Variants in ADAMTS12 observed in about 807,000 individuals in gnomAD.
The protein encoded by ADAMTS12 is ADAM metallopeptidase with thrombospondin type 1 motif 12.
Under a neutral mutation model 167.8 loss-of-function variants are expected in ADAMTS12, and 118 were observed. The ratio of observed to expected loss-of-function variants is 0.70; its 90% CI spans 0.61 to 0.82. The LOEUF (loss-of-function observed/expected upper bound fraction) is 0.82, where lower values mean the gene tolerates loss of function less well. ADAMTS12 is among the 40% of genes least tolerant of loss of function. The probability of loss-of-function intolerance (pLI) is 0.00; values close to 1 mark genes in which losing one functional copy is unlikely to be tolerated. For synonymous variants in ADAMTS12, 704 were observed against 716.9 expected (o/e 0.98, Z 0.29); for missense variants, 1,916 against 1,998.8 (o/e 0.96, Z 0.79).
chr5:33,692,712 C>T (rs1644652158), intron 3 of ADAMTS12, among the ~76,000 whole-genome samples: 1 of 152,128 alleles, frequency 6.6e-6, no homozygotes, highest in Admixed American at 6.6e-5. Context: ...AGCATTCAAT[C>T]CGTCCCCTCA....
chr5:33,565,205 G>T (rs1745952078), intron 19 of ADAMTS12, among the ~76,000 whole-genome samples: 1 of 152,158 alleles, frequency 6.6e-6, no homozygotes, highest in African/African-American at 2.4e-5. Context: ...ACCCAGGCTG[G>T]AGTGCAGTGG....
intron 11 of ADAMTS12, among the ~76,000 whole-genome samples, chr5:33,638,099 T>C (rs1740280257): frequency 6.6e-6 from 1 of 152,194 alleles, no homozygotes; most frequent in South Asian, 2.1e-4. Context: ...CATCTGTGCC[T>C]TCCTTGGATC....
At chr5:33,687,644 A>C (rs964521233) in intron 3 of ADAMTS12, among the ~76,000 whole-genome samples, 3 of 152,244 alleles carry the variant, frequency 2.0e-5, no homozygotes, top group Admixed American at 6.5e-5. Flanking sequence ...TATCAGTTAT[A>C]TTATAGATAG....
At chr5:33,756,584 C>T (rs987252691) in intron 2 of ADAMTS12, among the ~76,000 whole-genome samples, 1 of 152,086 alleles carries the variant, frequency 6.6e-6, no homozygotes, top group Admixed American at 6.5e-5. Context: ...AGTAGGACCA[C>T]CGGGAAGATT....
At chr5:33,887,563 A>C (rs903257624) in intron 1 of ADAMTS12, among the ~76,000 whole-genome samples, 2 of 152,170 alleles carry the variant, frequency 1.3e-5, no homozygotes, top group Non-Finnish European at 2.9e-5. Context: ...TGCCTTGTTT[A>C]AAATTATATT....
At chr5:33,527,476 C>A (rs1313140335) in intron 23 of ADAMTS12, 110 bp from the exon 24 acceptor site, 1 of 996,076 alleles carries the variant, frequency 1.0e-6, no homozygotes, top group East Asian at 2.6e-5. Context: ...AGAAAGGAGC[C>A]ATAACAATTC....
At chr5:33,747,202 CAAAGTAAGTAAAGTAAGCAAAT>C (rs1744820630) in intron 3 of ADAMTS12, among the ~76,000 whole-genome samples, 1 of 152,042 alleles carries the variant, frequency 6.6e-6, no homozygotes, top group Non-Finnish European at 1.5e-5. Context: ...AACAAGCAAA[CAAAGTAAGTAAAGTAAGCAAAT>C]AAAGTGGGCC....
In ADAMTS12 at chr5:33,735,104, T is replaced by C. The variant is rs561029603; in HGVS notation, c.634+16300A>G. 5.9e-5 allele frequency among the ~76,000 whole-genome samples: 9 copies of C among 152,354 alleles called. No individual in the cohort carries two copies. In the South Asian group the frequency reaches 1.2e-3, roughly 21 times the overall value. On this transcript the variant is annotated intron_variant, in intron 3 of 23. Coordinates refer to ENST00000504830, the MANE Select transcript of ADAMTS12 (RefSeq NM_030955.4). ...CATTTACCTTAATAAGTTTTACATGTTTCAGCTGTTAAATTCTCCCAACCC... is the reference window on the plus strand; with the variant it reads ...CATTTACCTTAATAAGTTTTACATGCTTCAGCTGTTAAATTCTCCCAACCC...
At chr5:33,713,567 A>G (rs1743484585) in intron 3 of ADAMTS12, among the ~76,000 whole-genome samples, 1 of 152,098 alleles carries the variant, frequency 6.6e-6, no homozygotes, top group Admixed American at 6.6e-5. Flanking sequence ...AGCCTGCTTT[A>G]TTTCACAAAA....
At chr5:33,783,142 A>T (rs1746201168) in intron 2 of ADAMTS12, among the ~76,000 whole-genome samples, 1 of 152,018 alleles carries the variant, frequency 6.6e-6, no homozygotes, top group South Asian at 2.1e-4. Context: ...TAAACAATAA[A>T]CTTCTAAATA....
chr5:33,578,999 G>A (rs1246396161), intron 18 of ADAMTS12, among the ~76,000 whole-genome samples: 1 of 152,204 alleles, frequency 6.6e-6, no homozygotes, highest in Non-Finnish European at 1.5e-5. Context: ...TCCCACCAAA[G>A]TGGGGGCTAC....
chr5:33,587,032 T>C (rs6881160), intron 18 of ADAMTS12, among the ~76,000 whole-genome samples: 6,787 of 152,090 alleles, frequency 0.045, 467 homozygotes, highest in African/African-American at 0.15. Context: ...AGGGACCATA[T>C]TTTCTGTTTC....
chr5:33,804,398 G>C (rs1475523560), intron 2 of ADAMTS12, among the ~76,000 whole-genome samples: 1 of 152,214 alleles, frequency 6.6e-6, no homozygotes, highest in African/African-American at 2.4e-5. Context: ...CCTGGCCTCA[G>C]AAGGAACATA....
chr5:33,781,751 T>G (rs1281144038), intron 2 of ADAMTS12, among the ~76,000 whole-genome samples: 1 of 152,102 alleles, frequency 6.6e-6, no homozygotes, highest in Non-Finnish European at 1.5e-5. Flanking sequence ...AATGTGCAGG[T>G]TAGTTACATA....
At chr5:33,646,935 A>G (rs1198600873) in intron 9 of ADAMTS12, among the ~76,000 whole-genome samples, 1 of 152,188 alleles carries the variant, frequency 6.6e-6, no homozygotes, top group Non-Finnish European at 1.5e-5. Flanking sequence ...ATAAATAAAA[A>G]TATGATAAAT....
At chr5:33,839,638 A>C (rs1323240525) in intron 2 of ADAMTS12, among the ~76,000 whole-genome samples, 1 of 152,180 alleles carries the variant, frequency 6.6e-6, no homozygotes, top group Non-Finnish European at 1.5e-5. Flanking sequence ...GTTTCCACCA[A>C]CATCAAGCTT....
intron 17 of ADAMTS12, among the ~76,000 whole-genome samples, chr5:33,594,944 C>A (rs1747839137): frequency 6.6e-6 from 1 of 152,086 alleles, no homozygotes; most frequent in Admixed American, 6.5e-5. Flanking sequence ...TTGAGTCTCC[C>A]CCTTGTTTAA....
At chr5:33,677,503 G>C (rs895122003) in intron 5 of ADAMTS12, among the ~76,000 whole-genome samples, 1 of 152,210 alleles carries the variant, frequency 6.6e-6, no homozygotes, top group Non-Finnish European at 1.5e-5. Context: ...TTGGAGGAAA[G>C]AGTCTAATCC....
intron 2 of ADAMTS12, among the ~76,000 whole-genome samples, chr5:33,771,777 A>T (rs893052510): frequency 2.0e-5 from 3 of 151,850 alleles, no homozygotes; most frequent in African/African-American, 7.2e-5. Flanking sequence ...ACTGTGTAGT[A>T]AAGTTATACT....
Sources: gnomAD v4.1 joint callset for allele counts (sites outside exome capture counted in the v4.1 genomes callset) on GRCh38, gnomAD v4.1.1 for gene constraint, MANE v1.5 for transcripts, NCBI Gene and HGNC (gene_info 2026-07-23, HGNC 2026-07-21) for gene names.